The following NRXN1 variants were observed in gnomAD, a reference collection of about 807,000 sequenced individuals.
NRXN1 encodes neurexin 1, also known as neurexin-1.
A neutral mutation model predicts 150.9 loss-of-function variants in NRXN1; 39 were observed. The observed-to-expected ratio is 0.26, with a 90% CI of 0.20 to 0.34. The LOEUF is 0.34. Ranked by LOEUF, NRXN1 falls within the 10% of genes least tolerant of loss-of-function variation. NRXN1 has a pLI of 1.00. For synonymous variants in NRXN1, 924 were observed against 757.0 expected, an observed-to-expected ratio of 1.22 and a Z score of -3.62; for missense variants, 1,815 against 1,949.9, an observed-to-expected ratio of 0.93 and a Z score of 1.30.
intron 11 of NRXN1, 51 bp from the exon 12 acceptor site, chr2:50,528,702 A>C: frequency 8.6e-7 from 1 of 1,161,394 alleles, no homozygotes; most frequent in Non-Finnish European, 1.3e-6. Flanking sequence ...TCAAGGTAAT[A>C]GCTGCAGACA....
chr2:50,021,642 G>T (rs1290561717), intron 21 of NRXN1, among the ~76,000 whole-genome samples: 4 of 152,068 alleles, frequency 2.6e-5, no homozygotes, highest in African/African-American at 4.8e-5. Flanking sequence ...AAAGCCAGGA[G>T]AATTCTTTAG....
At chr2:50,352,756 AATAATAATAATAATAATAATATT>A (rs1188063045) in intron 17 of NRXN1, among the ~76,000 whole-genome samples, 1 of 78,612 alleles carries the variant, frequency 1.3e-5, no homozygotes. Flanking sequence ...GAGCATTGAT[AATAATAATAATAATAATAATATT>A]ATAATAATAA....
At chr2:50,959,006 G>C (rs569510184) in intron 2 of NRXN1, among the ~76,000 whole-genome samples, 1 of 152,026 alleles carries the variant, frequency 6.6e-6, no homozygotes, top group South Asian at 2.1e-4. Flanking sequence ...TTTTTCTTCA[G>C]AATTTTTGTG....
intron 17 of NRXN1, among the ~76,000 whole-genome samples, chr2:50,256,502 C>G (rs1468773365): frequency 6.6e-6 from 1 of 152,106 alleles, no homozygotes; most frequent in Non-Finnish European, 1.5e-5. Flanking sequence ...AATTTTGATA[C>G]TTCAATAACC....
At chr2:50,591,080 G>C (rs910115868) in intron 8 of NRXN1, among the ~76,000 whole-genome samples, 1 of 152,078 alleles carries the variant, frequency 6.6e-6, no homozygotes, top group African/African-American at 2.4e-5. Context: ...AAAGAAAAAA[G>C]AAAGTGCCCA....
At chr2:50,069,851 T>G (rs1309988942) in intron 19 of NRXN1, among the ~76,000 whole-genome samples, 1 of 59,364 alleles carries the variant, frequency 1.7e-5, no homozygotes, top group Non-Finnish European at 3.0e-5. Context: ...TTGGGGGTTT[T>G]TTTTTTTTTT....
intron 17 of NRXN1, among the ~76,000 whole-genome samples, chr2:50,433,008 T>G (rs890608027): frequency 6.6e-6 from 1 of 152,184 alleles, no homozygotes. Context: ...GACATGGAAA[T>G]GAGTCCCTCA....
intron 17 of NRXN1, among the ~76,000 whole-genome samples, chr2:50,257,165 C>T (rs1480591243): frequency 6.6e-6 from 1 of 151,920 alleles, no homozygotes; most frequent in Non-Finnish European, 1.5e-5. Flanking sequence ...AATTATTTGT[C>T]CATGGTCACA....
chr2:50,963,420 G>A (rs1463895621), intron 2 of NRXN1, among the ~76,000 whole-genome samples: 1 of 151,524 alleles, frequency 6.6e-6, no homozygotes, highest in Non-Finnish European at 1.5e-5. Context: ...TGGACAACGA[G>A]GAAAACTATA....
chr2:50,358,298 C>T (rs993784539), intron 17 of NRXN1, among the ~76,000 whole-genome samples: 3 of 152,288 alleles, frequency 2.0e-5, no homozygotes, highest in Admixed American at 6.5e-5. Context: ...CGAATCCCAC[C>T]CCCCTGGAGT....
At chr2:50,381,572 C>G (rs866131866) in intron 17 of NRXN1, among the ~76,000 whole-genome samples, 177 of 135,334 alleles carry the variant, frequency 1.3e-3, no homozygotes, top group African/African-American at 4.8e-3. Flanking sequence ...CACACACACA[C>G]AATCTGCTTT....
intron 8 of NRXN1, among the ~76,000 whole-genome samples, chr2:50,585,403 T>A (rs559919211): frequency 2.6e-5 from 4 of 152,146 alleles, no homozygotes; most frequent in African/African-American, 9.7e-5. Flanking sequence ...TTAATGGGTG[T>A]AGATTATCAG....
At chr2:50,313,180 GA>G (rs950826180) in intron 17 of NRXN1, among the ~76,000 whole-genome samples, 2 of 151,960 alleles carry the variant, frequency 1.3e-5, no homozygotes, top group African/African-American at 4.8e-5. Flanking sequence ...AATATGTCTA[GA>G]ATTATCTCAT....
At chr2:50,258,477 A>G (rs1420529252) in intron 17 of NRXN1, among the ~76,000 whole-genome samples, 2 of 151,910 alleles carry the variant, frequency 1.3e-5, no homozygotes, top group East Asian at 3.9e-4. Flanking sequence ...TCCAGGCTTC[A>G]CTCCTAGTTT....
intron 5 of NRXN1, among the ~76,000 whole-genome samples, chr2:50,652,289 GTT>G (rs1365267135): frequency 6.6e-6 from 1 of 151,978 alleles, no homozygotes; most frequent in Non-Finnish European, 1.5e-5. Flanking sequence ...AATTCAATGA[GTT>G]TTGGTAAATT....
intron 17 of NRXN1, among the ~76,000 whole-genome samples, chr2:50,371,947 T>C (rs555427940): frequency 5.3e-5 from 8 of 152,176 alleles, no homozygotes; most frequent in Admixed American, 1.3e-4. Context: ...GGTTCAAAGC[T>C]TGAATTAAAA....
At chr2:49,955,102 A>T (rs915291221) in intron 21 of NRXN1, among the ~76,000 whole-genome samples, 2 of 152,180 alleles carry the variant, frequency 1.3e-5, no homozygotes, top group African/African-American at 4.8e-5. Context: ...ATGACACTTG[A>T]ATTTACTAGA....
At chr2:50,169,161 A>C (rs1402556586) in intron 18 of NRXN1, among the ~76,000 whole-genome samples, 3 of 152,160 alleles carry the variant, frequency 2.0e-5, no homozygotes, top group Non-Finnish European at 4.4e-5. Flanking sequence ...CATTTCACAA[A>C]TTAGGAATCT....
At chr2:50,614,478 A>G (rs1678709786) in intron 8 of NRXN1, among the ~76,000 whole-genome samples, 1 of 151,940 alleles carries the variant, frequency 6.6e-6, no homozygotes, top group African/African-American at 2.4e-5. Flanking sequence ...GCAAACAGGA[A>G]AATAAGCAAA....
Sources: gnomAD v4.1 joint callset for allele counts (sites outside exome capture counted in the v4.1 genomes callset) on GRCh38, gnomAD v4.1.1 for gene constraint, MANE v1.5 for transcripts, NCBI Gene and HGNC (gene_info 2026-07-23, HGNC 2026-07-21) for gene names.